The following GPBP1 variants were observed in gnomAD, a reference collection of about 807,000 sequenced individuals.
GPBP1 encodes GC-rich promoter binding protein 1, also known as vasculin.
Under a neutral mutation model 56.5 loss-of-function variants are expected in GPBP1, and 13 were observed. The ratio of observed to expected loss-of-function variants is 0.23; its 90% CI spans 0.15 to 0.37. GPBP1 has a LOEUF of 0.37. Among genes scored for constraint, GPBP1 ranks in the 10% least tolerant of loss-of-function variants. The pLI is 1.00. For synonymous variants in GPBP1, 204 were observed against 188.9 expected (o/e 1.08, Z -0.66); for missense variants, 477 against 572.3 (o/e 0.83, Z 1.70).
intron 6 of GPBP1, among the ~76,000 whole-genome samples, chr5:57,238,368 G>A (rs149376876): frequency 7.2e-5 from 11 of 152,238 alleles, no homozygotes; most frequent in African/African-American, 2.6e-4. Context: ...ACACCAGCCT[G>A]ACCAACATGG....
intron 6 of GPBP1, among the ~76,000 whole-genome samples, chr5:57,236,831 A>G (rs1441970444): frequency 6.6e-6 from 1 of 152,106 alleles, no homozygotes; most frequent in Non-Finnish European, 1.5e-5. Context: ...GTTCATTTGT[A>G]TTTTTCTATT....
At chr5:57,238,837 A>G (rs992376338) in intron 6 of GPBP1, among the ~76,000 whole-genome samples, 2 of 152,226 alleles carry the variant, frequency 1.3e-5, no homozygotes, top group Non-Finnish European at 1.5e-5. Flanking sequence ...ACTTAAGAAC[A>G]TAAAGGTTCA....
Position 57,231,229 on chromosome 5 carries a change from A to G in GPBP1, c.319A>G (p.Ser107Gly), listed in dbSNP as rs902355471. ...TAGCAGTATTTTCCATGCAGGAAAAAGCCAAGGACTACATGAAAACAACAT... is the reference window on the plus strand; with the variant it reads ...TAGCAGTATTTTCCATGCAGGAAAAGGCCAAGGACTACATGAAAACAACAT... The part of the protein sequence containing the change: ...SRSSIFHAGK[S>G]QGLHENNIPD... Residue 107 changes from serine (S) to glycine (G), a missense_variant, in exon 5 of 12, where the codon AGC (serine) becomes GGC (glycine). Ser to Gly is a moderately conservative substitution (Grantham distance 56). Coordinates refer to ENST00000506184, the MANE Select transcript of GPBP1 (RefSeq NM_022913.4). 1.9e-6 allele frequency: 3 copies of G among 1,614,048 alleles called. No homozygotes were observed. Among genetic ancestry groups the G allele is most frequent in the African/African-American group, 2.7e-5 (2 of 74,942 alleles).
intron 5 of GPBP1, among the ~76,000 whole-genome samples, chr5:57,235,340 C>T (rs1756617246): frequency 6.6e-6 from 1 of 151,554 alleles, no homozygotes; most frequent in African/African-American, 2.4e-5. Flanking sequence ...CTTCTCTGAT[C>T]TTGACCTTAT....
At chr5:57,242,695 C>G (rs1317410324) in intron 6 of GPBP1, among the ~76,000 whole-genome samples, 1 of 152,142 alleles carries the variant, frequency 6.6e-6, no homozygotes, top group Non-Finnish European at 1.5e-5. Context: ...TCCATCCCAC[C>G]TTGGCCTCCG....
At chr5:57,260,221 CAGTT>C (rs750860501) in intron 10 of GPBP1, among the ~76,000 whole-genome samples, 125 of 152,296 alleles carry the variant, frequency 8.2e-4, no homozygotes, top group Admixed American at 1.8e-3. Context: ...CAGTCCTCTT[CAGTT>C]AGGGCACTAA....
chr5:57,248,497 G>A (rs1054549586), intron 8 of GPBP1, among the ~76,000 whole-genome samples: 2 of 142,604 alleles, frequency 1.4e-5, no homozygotes, highest in Admixed American at 7.6e-5. Flanking sequence ...GCGGGATCTC[G>A]GCTCACTGCA....
chr5:57,209,247 T>C (rs1032846944), intron 2 of GPBP1, among the ~76,000 whole-genome samples: 2 of 152,218 alleles, frequency 1.3e-5, no homozygotes, highest in Admixed American at 6.5e-5. Context: ...TAAGATCATG[T>C]AATCTGTGAA....
chr5:57,235,771 C>T (rs981494463), intron 5 of GPBP1, among the ~76,000 whole-genome samples, 195 bp from the exon 6 acceptor site: 8 of 152,126 alleles, frequency 5.3e-5, no homozygotes, highest in African/African-American at 1.9e-4. Flanking sequence ...AATCCAAGTG[C>T]TTCAATGAGT....
chr5:57,193,608 T>G (rs1168112120), intron 2 of GPBP1, among the ~76,000 whole-genome samples: 1 of 128,372 alleles, frequency 7.8e-6, no homozygotes, highest in Non-Finnish European at 1.6e-5. Flanking sequence ...AATGAGACCC[T>G]GTCTCAAAAA....
chr5:57,198,856 G>T (rs768761637), intron 2 of GPBP1, among the ~76,000 whole-genome samples: 4 of 152,094 alleles, frequency 2.6e-5, no homozygotes, highest in South Asian at 2.1e-4. Context: ...TGGTACTTCA[G>T]TGTCATTTGC....
rs1435723247 is a variant in GPBP1, at chr5:57,264,610, C to G, written c.*1858C>G. 6.6e-6 allele frequency: 1 copy of G among 152,100 alleles called. No individual in the cohort carries two copies. The highest frequency in any genetic ancestry group is 1.5e-5 in the Non-Finnish European group (1 of 67,988). 9.4% of individuals were successfully genotyped at this position (152,100 alleles called of 1,614,324 possible). ...CAGCAGTTAACTCATGTTTATTGTG[C>G]TTTCATGCATTGTGATATGGAATGT... On this transcript the variant is annotated 3_prime_UTR_variant, in exon 12 of 12. Coordinates refer to ENST00000506184, the MANE Select transcript of GPBP1 (RefSeq NM_022913.4).
chr5:57,211,377 G>A (rs1037167446), intron 2 of GPBP1, among the ~76,000 whole-genome samples: 5 of 151,900 alleles, frequency 3.3e-5, no homozygotes, highest in African/African-American at 9.7e-5. Context: ...TTGTAGAGAC[G>A]GGAGTCTTAC....
intron 6 of GPBP1, among the ~76,000 whole-genome samples, chr5:57,237,833 A>G (rs1190132771): frequency 1.3e-5 from 2 of 151,900 alleles, no homozygotes. Flanking sequence ...ACTAACGAAA[A>G]TATAATATTT....
intron 2 of GPBP1, among the ~76,000 whole-genome samples, chr5:57,211,090 G>A (rs1052767291): frequency 6.6e-5 from 10 of 151,982 alleles, no homozygotes; most frequent in African/African-American, 2.4e-4. Context: ...GATGAGTGGT[G>A]TGGAACTTGT....
chr5:57,210,421 TTTC>T (rs1755424682), intron 2 of GPBP1, among the ~76,000 whole-genome samples: 1 of 152,164 alleles, frequency 6.6e-6, no homozygotes, highest in South Asian at 2.1e-4. Context: ...ATCCAGTAGA[TTTC>T]TTAAAAAAAA....
At chr5:57,194,275 T>C (rs903339214) in intron 2 of GPBP1, among the ~76,000 whole-genome samples, 4 of 152,204 alleles carry the variant, frequency 2.6e-5, no homozygotes, top group African/African-American at 9.6e-5. Context: ...TTTCTGAGTG[T>C]AATTTGAGAT....
intron 3 of GPBP1, among the ~76,000 whole-genome samples, chr5:57,226,384 C>T (rs1273200793): frequency 6.6e-6 from 1 of 152,004 alleles, no homozygotes; most frequent in Non-Finnish European, 1.5e-5. Context: ...TAATTAAATG[C>T]TGTATAAGAC....
chr5:57,226,796 G>A (rs1756218885), intron 3 of GPBP1, among the ~76,000 whole-genome samples: 1 of 141,124 alleles, frequency 7.1e-6, no homozygotes, highest in South Asian at 2.2e-4. Context: ...CTAGAGTGCA[G>A]TGGTGCGATC....
Sources: gnomAD v4.1 joint callset for allele counts (sites outside exome capture counted in the v4.1 genomes callset) on GRCh38, gnomAD v4.1.1 for gene constraint, MANE v1.5 for transcripts, NCBI Gene and HGNC (gene_info 2026-07-23, HGNC 2026-07-21) for gene names.